The following U2SURP variants were observed in gnomAD, a reference collection of about 807,000 sequenced individuals.
The protein encoded by U2SURP is U2 snRNP associated SURP domain containing, also known as U2 snRNP-associated SURP motif-containing protein.
Under a neutral mutation model 144.9 loss-of-function variants are expected in U2SURP, and 9 were observed. The observed-to-expected ratio is 0.06, with a 90% confidence interval of 0.04 to 0.11. The LOEUF (loss-of-function observed/expected upper bound fraction) is 0.11. U2SURP is among the 10% of genes least tolerant of loss of function. The pLI, the probability that U2SURP is intolerant of heterozygous loss-of-function variation, is 1.00. For missense variants in U2SURP, 724 were observed against 1,226.7 expected (o/e 0.59, Z 6.12); for synonymous variants, 408 against 396.8 (o/e 1.03, Z -0.33).
At chr3:143,033,229 G>A (rs1933603812) in intron 17 of U2SURP, 42 bp from the exon 18 acceptor site, 1 of 1,200,706 alleles carries the variant, frequency 8.3e-7, no homozygotes, top group Non-Finnish European at 1.2e-6. Flanking sequence ...CTAAACATTA[G>A]CCTTATATTA....
At chr3:143,036,384 A>G (rs1350764478) in intron 20 of U2SURP, among the ~76,000 whole-genome samples, 1 of 150,078 alleles carries the variant, frequency 6.7e-6, no homozygotes, top group Admixed American at 6.7e-5. Flanking sequence ...ATAAGCAAGT[A>G]ATAGAGCAAT....
chr3:143,015,116 G>T (rs946607703), intron 4 of U2SURP, among the ~76,000 whole-genome samples: 1 of 152,046 alleles, frequency 6.6e-6, no homozygotes, highest in Admixed American at 6.6e-5. Flanking sequence ...ATGAATGAAT[G>T]TTTCCCCATA....
Position 143,054,959 on chromosome 3 carries a change from A to G in U2SURP, c.2791A>G (p.Thr931Ala). 1.2e-6 allele frequency: 2 copies of G among 1,606,382 alleles called. No individual in the cohort carries two copies. The highest frequency in any genetic ancestry group is 1.7e-5 in the Admixed American group (1 of 58,208). ...GTTCCATAGGAAGAGGCGACACAGT[A>G]CATCCCCCAGCCCATCTCGCAGTAG... ...TRKERKRRHS[T>A]SPSPSRSSSG... Residue 931 changes from threonine to alanine, a missense_variant, in exon 27 of 28, where the codon ACA becomes GCA. This residue lies in a region of U2SURP where 129 missense variants were observed against 196.1 expected (regional missense o/e 0.66). Transcript: ENST00000473835.
chr3:143,021,474 T>G lies in U2SURP; in HGVS notation c.771T>G (p.Val257=), dbSNP rs758743977. Residue 257 remains valine, a splice_region_variant and synonymous_variant, in exon 10 of 28, where the codon GTT becomes GTG. Coordinates refer to ENST00000473835, the MANE Select transcript of U2SURP (RefSeq NM_001080415.2). ...APSRRNRSSG[V]LDDYAPGSHD... is the part of the protein sequence containing the mutation. ...ATTCTTTTTTTCTTTCTGCCCTAGT[T>G]CTTGATGATTACGCACCTGGCTCAC... The G allele has an allele frequency of 8.7e-6, 14 of 1,613,726 alleles. No individual in the cohort carries two copies. In the African/African-American group the frequency reaches 1.9e-4, roughly 22 times the overall value.
rs1348038231 is a variant in U2SURP, at chr3:143,014,281, A to G, written c.223-30A>G. ...AAGTTTTAGATAGCATTAAGAATCT[A>G]TATGTAAAAGTATGCTTTTTATTTC... On this transcript the variant is annotated intron_variant, in intron 3 of 27. Transcript: ENST00000473835. 2.8e-6 allele frequency: 4 copies of G among 1,448,604 alleles called. No homozygotes were observed. In the African/African-American group the frequency reaches 4.3e-5, roughly 15 times the overall value. The allele number at this position is 1,448,604 out of a possible 1,614,324, so 89.7% of individuals were successfully genotyped here.
intron 24 of U2SURP, among the ~76,000 whole-genome samples, chr3:143,049,717 T>C (rs1934747919): frequency 6.6e-6 from 1 of 152,228 alleles, no homozygotes; most frequent in Non-Finnish European, 1.5e-5. Context: ...TTTTAACCAC[T>C]TTGTGAAGTT....
At chr3:143,020,954 G>A (rs982001064) in intron 8 of U2SURP, among the ~76,000 whole-genome samples, 1 of 152,164 alleles carries the variant, frequency 6.6e-6, no homozygotes, top group Non-Finnish European at 1.5e-5. Context: ...CACTTTGGGA[G>A]GCCGAGGCAA....
intron 24 of U2SURP, 84 bp downstream of exon 24, chr3:143,043,360 C>T (rs1370737122): frequency 7.3e-6 from 10 of 1,361,290 alleles, no homozygotes; most frequent in Admixed American, 4.8e-5. Flanking sequence ...TGCATTGTAC[C>T]GTAGTACATA....
At chr3:143,024,589 T>A (rs1309172677) in intron 13 of U2SURP, 1 of 410,596 alleles carries the variant, frequency 2.4e-6, no homozygotes, top group Non-Finnish European at 4.7e-6. Context: ...CCTTTTTTTC[T>A]CTTTCAACAC....
chr3:143,037,008 G>C (rs752785241), intron 20 of U2SURP, 171 bp from the exon 21 acceptor site: 23 of 634,248 alleles, frequency 3.6e-5, no homozygotes, highest in Non-Finnish European at 5.7e-5. Flanking sequence ...TTAGATAAAT[G>C]CACAACTGAC....
chr3:143,033,011 C>G (rs563213921), intron 17 of U2SURP, 65 bp downstream of exon 17: 1 of 1,540,864 alleles, frequency 6.5e-7, no homozygotes, highest in African/African-American at 1.4e-5. Context: ...AATTGGTTTC[C>G]TTTTTGCACA....
rs1355774298 is a variant in U2SURP at position 143,054,127 on chromosome 3, A to G, written c.2774+333A>G. On this transcript the variant is annotated intron_variant, in intron 26 of 27. Coordinates refer to ENST00000473835, the MANE Select transcript of U2SURP (RefSeq NM_001080415.2). ...TTTCCTTGTTGCATCCAATTTAAGC[A>G]TATTTTCCAGTATCTGTGCTGAGGC... Among the ~76,000 whole-genome samples, 5 of 152,204 alleles carry G rather than the reference A, an allele frequency of 3.3e-5. No homozygotes were observed. The East Asian group carries it at 7.7e-4, about 23-fold the overall frequency.
intron 4 of U2SURP, among the ~76,000 whole-genome samples, chr3:143,015,176 C>T (rs1936304151): frequency 1.3e-5 from 2 of 152,080 alleles, no homozygotes; most frequent in Admixed American, 1.3e-4. Context: ...AAAATGGTAT[C>T]TCAGTGTAGT....
rs376254231 is a variant in U2SURP, at chr3:143,053,786, G to A, written c.2766G>A (p.Arg922=). The change falls in exon 26 of 28, where the codon AGG becomes AGA. Residue 922 remains arginine, a synonymous_variant. Transcript: ENST00000473835. ...AAAAAGATGAGTGTACTCCGACAAG[G>A]AAGGAAAGGTATAACATTTCTCATA... ...KKEKDECTPT[R]KERKRRHSTS... 5.0e-6 allele frequency: 8 copies of A among 1,589,682 alleles called. No individual in the cohort carries two copies. Among genetic ancestry groups the A allele is most frequent in the Non-Finnish European group, 4.3e-6 (5 of 1,171,756 alleles).
intron 24 of U2SURP, among the ~76,000 whole-genome samples, chr3:143,045,497 C>A (rs1934386758): frequency 6.6e-6 from 1 of 152,078 alleles, no homozygotes; most frequent in South Asian, 2.1e-4. Context: ...TATAAATGCC[C>A]CAACTGTTTA....
chr3:143,027,789 A>G (rs1320005916), intron 14 of U2SURP, among the ~76,000 whole-genome samples: 1 of 152,202 alleles, frequency 6.6e-6, no homozygotes, highest in African/African-American at 2.4e-5. Context: ...AGTTTTAGTA[A>G]TCAGAGTAGA....
At position 143,022,544 on chromosome 3, in the gene U2SURP, A is replaced by G. The variant is rs756776115; in HGVS notation, c.900A>G (p.Leu300=). The part of the protein sequence containing the change: ...LCQEFGRFGP[L]ASVKIMWPRT... ...AAGAATTTGGAAGATTTGGACCGTT[A>G]GCCAGTGTGAAAATCATGTGGCCTA... Residue 300 remains leucine, a synonymous_variant, in exon 11 of 28, where the codon TTA becomes TTG. Coordinates refer to ENST00000473835, the MANE Select transcript of U2SURP (RefSeq NM_001080415.2). 3 of 1,610,968 alleles carry G rather than the reference A, an allele frequency of 1.9e-6. No individual in the cohort carries two copies. Among genetic ancestry groups the G allele is most frequent in the Non-Finnish European group, 1.7e-6 (2 of 1,178,264 alleles).
chr3:143,014,697 T>TAG (rs908612768), intron 4 of U2SURP, among the ~76,000 whole-genome samples: 41 of 152,078 alleles, frequency 2.7e-4, no homozygotes, highest in African/African-American at 9.7e-4. Flanking sequence ...CCATTCCCCT[T>TAG]AGATTAATGA....
Position 143,043,175 on chromosome 3 carries a change from C to T in U2SURP, c.2443C>T (p.His815Tyr). 6.2e-7 allele frequency: 1 copy of T among 1,603,792 alleles called. No individual in the cohort carries two copies. Among genetic ancestry groups the T allele is most frequent in the Non-Finnish European group, 8.5e-7 (1 of 1,174,760 alleles). Reference protein sequence around the residue: ...DTQSSKSEEHHLYSNPIKEEM... With the variant: ...DTQSSKSEEHYLYSNPIKEEM... ...TCAAAGTTCCAAATCTGAAGAACAT[C>T]ATTTGTACTCTAATCCAATCAAAGA... The change falls in exon 24 of 28, where the codon CAT becomes TAT. Residue 815 changes from histidine to tyrosine, a missense_variant. Transcript: ENST00000473835.
Sources: gnomAD v4.1 joint callset for allele counts (sites outside exome capture counted in the v4.1 genomes callset) on GRCh38, gnomAD v4.1.1 for gene constraint, gnomAD v4.1.1 regional missense constraint, MANE v1.5 for transcripts, NCBI Gene and HGNC (gene_info 2026-07-23, HGNC 2026-07-21) for gene names.